Variants in TNNI3K observed in about 807,000 individuals in gnomAD.
TNNI3K encodes serine/threonine-protein kinase TNNI3K.
TNNI3K carries 140 observed loss-of-function variants against 114.5 expected under a neutral mutation model. The ratio of observed to expected loss-of-function variants is 1.22; its 90% CI spans 1.07 to 1.41. The LOEUF is 1.41. Among genes scored for constraint, TNNI3K ranks in the 40% most tolerant of loss-of-function variants. TNNI3K has a pLI of 0.00. For synonymous variants in TNNI3K, 347 were observed against 347.5 expected, an observed-to-expected ratio of 1.00 and a Z score of 0.02; for missense variants, 1,125 against 1,007.6, an observed-to-expected ratio of 1.12 and a Z score of -1.58.
chr1:74,323,304 G>A (rs1659723301), intron 5 of TNNI3K, among the ~76,000 whole-genome samples: 1 of 152,112 alleles, frequency 6.6e-6, no homozygotes, highest in Non-Finnish European at 1.5e-5. Context: ...ATAAACCTGA[G>A]TTTAAACTTA....
chr1:74,384,925 T>A (rs867663933), intron 17 of TNNI3K, among the ~76,000 whole-genome samples: 14 of 152,180 alleles, frequency 9.2e-5, no homozygotes, highest in Non-Finnish European at 1.5e-4. Flanking sequence ...TTGTTATTTT[T>A]AAATATTCCT....
At chr1:74,238,437 A>G (rs1653990434) in intron 2 of TNNI3K, among the ~76,000 whole-genome samples, 1 of 152,062 alleles carries the variant, frequency 6.6e-6, no homozygotes, top group African/African-American at 2.4e-5. Context: ...GGAAATTTCT[A>G]TTATCATGAT....
At chr1:74,316,074 C>G (rs924725171) in intron 5 of TNNI3K, among the ~76,000 whole-genome samples, 14 of 152,094 alleles carry the variant, frequency 9.2e-5, no homozygotes, top group African/African-American at 3.4e-4. Flanking sequence ...CAAATATTTA[C>G]CAAGCAACTA....
At chr1:74,250,532 T>C in intron 3 of TNNI3K, 140 bp from the exon 4 acceptor site, 1 of 629,180 alleles carries the variant, frequency 1.6e-6, no homozygotes, top group African/African-American at 1.9e-5. Flanking sequence ...TGTCAATTAA[T>C]AGAAAACTTT....
chr1:74,365,854 T>C (rs1316241399), intron 11 of TNNI3K, among the ~76,000 whole-genome samples: 5 of 150,980 alleles, frequency 3.3e-5, no homozygotes, highest in Non-Finnish European at 5.9e-5. Flanking sequence ...CCACCAGTCA[T>C]GAATAGAAAG....
chr1:74,269,028 C>T (rs1656186695), intron 4 of TNNI3K, among the ~76,000 whole-genome samples: 2 of 151,894 alleles, frequency 1.3e-5, no homozygotes, highest in Non-Finnish European at 2.9e-5. Flanking sequence ...GGTCTTCAAA[C>T]ACAACAAGCT....
At chr1:74,459,821 T>C (rs944629374) in intron 20 of TNNI3K, among the ~76,000 whole-genome samples, 1 of 152,174 alleles carries the variant, frequency 6.6e-6, no homozygotes, top group African/African-American at 2.4e-5. Flanking sequence ...AAGGGAGAAG[T>C]TGAATCCACA....
At chr1:74,301,746 T>C (rs193089643) in intron 5 of TNNI3K, among the ~76,000 whole-genome samples, 88 of 152,306 alleles carry the variant, frequency 5.8e-4, no homozygotes, top group Admixed American at 5.8e-3. Flanking sequence ...AACTGAATAC[T>C]CAATGAAGGA....
At chr1:74,346,127 A>G (rs1391953082) in intron 9 of TNNI3K, 1 of 152,188 alleles carries the variant, frequency 6.6e-6, no homozygotes, top group Non-Finnish European at 1.5e-5. Flanking sequence ...TGTCTATTAT[A>G]GTTTTATAGA....
chr1:74,319,098 T>C (rs1659470919), intron 5 of TNNI3K, among the ~76,000 whole-genome samples: 1 of 152,210 alleles, frequency 6.6e-6, no homozygotes. Context: ...TTAGGGAGTA[T>C]CTCTCAGAAG....
intron 23 of TNNI3K, among the ~76,000 whole-genome samples, chr1:74,539,372 G>A (rs1193364373): frequency 1.3e-5 from 2 of 152,140 alleles, no homozygotes; most frequent in Non-Finnish European, 2.9e-5. Context: ...GGGAACTAGG[G>A]TAGTTGCTTT....
At chr1:74,496,320 G>C (rs939724805) in intron 23 of TNNI3K, among the ~76,000 whole-genome samples, 2 of 152,110 alleles carry the variant, frequency 1.3e-5, no homozygotes, top group African/African-American at 2.4e-5. Flanking sequence ...CATCATCCCT[G>C]CCAAAATTCC....
chr1:74,512,579 T>C (rs1234016593), intron 23 of TNNI3K: 1 of 152,208 alleles, frequency 6.6e-6, no homozygotes, highest in Non-Finnish European at 1.5e-5. Context: ...AGGTGGATGA[T>C]GAATCTGAGA....
chr1:74,408,327 T>C (rs1258289401), intron 17 of TNNI3K, among the ~76,000 whole-genome samples: 2 of 152,228 alleles, frequency 1.3e-5, no homozygotes, highest in Non-Finnish European at 2.9e-5. Context: ...TGTTAGCCCA[T>C]GGACTAAATC....
At chr1:74,402,230 G>A (rs990315928) in intron 17 of TNNI3K, among the ~76,000 whole-genome samples, 2 of 152,152 alleles carry the variant, frequency 1.3e-5, no homozygotes, top group East Asian at 1.9e-4. Flanking sequence ...GTAGTAAGAA[G>A]TTATTTCAGT....
chr1:74,491,404 G>C (rs956331070), intron 22 of TNNI3K, among the ~76,000 whole-genome samples: 5 of 152,116 alleles, frequency 3.3e-5, no homozygotes, highest in Non-Finnish European at 7.4e-5. Context: ...ATTTTTATTA[G>C]AGACGGGGTT....
At chr1:74,504,789 G>GT (rs1303103003) in intron 23 of TNNI3K, among the ~76,000 whole-genome samples, 2 of 152,044 alleles carry the variant, frequency 1.3e-5, no homozygotes, top group Non-Finnish European at 2.9e-5. Context: ...CTGTAATTTC[G>GT]TGTTCTTTTC....
chr1:74,260,199 T>C (rs1425617329), intron 4 of TNNI3K, among the ~76,000 whole-genome samples: 1 of 152,076 alleles, frequency 6.6e-6, no homozygotes, highest in Admixed American at 6.6e-5. Flanking sequence ...GTAGCACTTA[T>C]AATTATTTAT....
At position 74,369,157 on chromosome 1, in the gene TNNI3K, A is replaced by G. The variant is rs774883204; in HGVS notation, c.1414+43A>G. 8 of 1,599,928 alleles carry G rather than the reference A, an allele frequency of 5.0e-6. No individual in the cohort carries two copies. The East Asian group carries it at 1.3e-4, about 27-fold the overall frequency. ...AATAAATAAAGGTCCGGTTTAGTTG[A>G]ATGAGCTTAAGTTAATATGTGTTTA... is the stretch of plus-strand genomic sequence containing the variant. On this transcript the variant is annotated intron_variant, in intron 14 of 24. Transcript: ENST00000326637.
Sources: allele counts gnomAD v4.1 joint callset (sites outside exome capture counted in the v4.1 genomes callset), GRCh38; gene constraint gnomAD v4.1.1; transcripts MANE v1.5; gene names NCBI Gene and HGNC (gene_info 2026-07-23, HGNC 2026-07-21).